Variants in ANO4 observed in about 807,000 individuals in gnomAD.
ANO4 encodes anoctamin 4, also known as anoctamin-4.
A neutral mutation model predicts 141.9 loss-of-function variants in ANO4; 69 were observed. That is an observed-to-expected ratio of 0.49 (90% CI 0.40 to 0.59). ANO4 has a LOEUF of 0.59. Ranked by LOEUF, ANO4 falls within the 20% of genes least tolerant of loss-of-function variation. The pLI is 0.00. For missense variants in ANO4, 894 were observed against 1,162.2 expected, an observed-to-expected ratio of 0.77 and a Z score of 3.36; for synonymous variants, 350 against 394.3, an observed-to-expected ratio of 0.89 and a Z score of 1.33.
intron 2 of ANO4, among the ~76,000 whole-genome samples, chr12:100,911,606 T>C (rs2136066234): frequency 2.6e-5 from 4 of 152,330 alleles, no homozygotes; most frequent in Middle Eastern, 3.4e-3. Context: ...GGTTCTGATA[T>C]AATAAAATTC....
chr12:100,836,449 G>A (rs946482783), intron 1 of ANO4, among the ~76,000 whole-genome samples: 3 of 151,628 alleles, frequency 2.0e-5, no homozygotes, highest in South Asian at 2.1e-4. Flanking sequence ...CCATTAACTC[G>A]TCATTTACAT....
chr12:100,815,623 A>G (rs926104786), intron 1 of ANO4, among the ~76,000 whole-genome samples: 2 of 152,150 alleles, frequency 1.3e-5, no homozygotes, highest in East Asian at 3.9e-4. Context: ...TGTGAAAATA[A>G]TTGTATATAA....
intron 1 of ANO4, among the ~76,000 whole-genome samples, chr12:100,857,672 A>C (rs1309504639): frequency 2.3e-4 from 35 of 152,164 alleles, no homozygotes; most frequent in Non-Finnish European, 1.5e-5. Flanking sequence ...TAAATTATCC[A>C]TGTAAAATAA....
chr12:100,861,400 T>C (rs2038468156), intron 1 of ANO4, among the ~76,000 whole-genome samples: 1 of 152,190 alleles, frequency 6.6e-6, no homozygotes, highest in Admixed American at 6.6e-5. Flanking sequence ...CTGAATAGTG[T>C]AGGCAATTGT....
At chr12:100,994,680 A>G (rs138384333) in intron 8 of ANO4, among the ~76,000 whole-genome samples, 2 of 152,200 alleles carry the variant, frequency 1.3e-5, no homozygotes, top group African/African-American at 4.8e-5. Flanking sequence ...AGAGAAGAAT[A>G]TGAAATTTAT....
intron 14 of ANO4, among the ~76,000 whole-genome samples, chr12:101,065,236 CAG>C (rs1228557445): frequency 6.6e-6 from 1 of 151,960 alleles, no homozygotes; most frequent in African/African-American, 2.4e-5. Flanking sequence ...AAGAAGGAAA[CAG>C]AAATTTGTGC....
intron 3 of ANO4, among the ~76,000 whole-genome samples, chr12:100,784,513 G>C (rs1433476810): frequency 6.6e-6 from 1 of 152,140 alleles, no homozygotes; most frequent in Non-Finnish European, 1.5e-5. Flanking sequence ...TTGCAGTTGA[G>C]AGTCAATAAT....
chr12:100,755,361 C>T (rs1480959687), intron 3 of ANO4, among the ~76,000 whole-genome samples: 1 of 152,152 alleles, frequency 6.6e-6, no homozygotes, highest in Non-Finnish European at 1.5e-5. Context: ...CCCCATGCTT[C>T]TTCCTGTGTG....
chr12:101,088,077 G>A (rs589657), intron 17 of ANO4, among the ~76,000 whole-genome samples: 27,801 of 151,424 alleles, frequency 0.18, 3,376 homozygotes, highest in East Asian at 0.54. Flanking sequence ...AAAAGCCTGC[G>A]AGGCCACATC....
intron 3 of ANO4, among the ~76,000 whole-genome samples, chr12:100,742,938 T>C (rs562548350): frequency 1.3e-5 from 2 of 152,346 alleles, no homozygotes; most frequent in East Asian, 3.9e-4. Context: ...GTCCTGAATG[T>C]AGTTCTTCCT....
chr12:100,819,766 CTG>C (rs1046543796), intron 1 of ANO4, among the ~76,000 whole-genome samples: 2 of 151,890 alleles, frequency 1.3e-5, no homozygotes, highest in Middle Eastern at 3.4e-3. Context: ...TTTTAAAAAA[CTG>C]TGATGAAAGC....
chr12:100,811,015 T>G (rs1481263701), intron 1 of ANO4, among the ~76,000 whole-genome samples: 1 of 152,092 alleles, frequency 6.6e-6, no homozygotes, highest in African/African-American at 2.4e-5. Context: ...GCAATAAAAT[T>G]TATAGAAGCC....
intron 1 of ANO4, among the ~76,000 whole-genome samples, chr12:100,844,088 G>C (rs550185179): frequency 6.6e-6 from 1 of 152,084 alleles, no homozygotes; most frequent in Non-Finnish European, 1.5e-5. Flanking sequence ...AGAGGTAAAT[G>C]CAAGGTGCCT....
intron 1 of ANO4, among the ~76,000 whole-genome samples, chr12:100,854,608 C>T (rs1169893833): frequency 6.6e-6 from 1 of 152,142 alleles, no homozygotes; most frequent in East Asian, 1.9e-4. Flanking sequence ...TCCCTTATTA[C>T]CTCCCTCTTT....
At chr12:100,766,836 T>C (rs765034173) in intron 3 of ANO4, among the ~76,000 whole-genome samples, 4 of 151,996 alleles carry the variant, frequency 2.6e-5, no homozygotes, top group Non-Finnish European at 5.9e-5. Context: ...AGTGTTGTGT[T>C]TCTCTCTATT....
chr12:100,741,784 G>C (rs778860221), intron 3 of ANO4, among the ~76,000 whole-genome samples: 2 of 152,108 alleles, frequency 1.3e-5, no homozygotes, highest in Non-Finnish European at 2.9e-5. Flanking sequence ...TATTGTGAAG[G>C]AAAGCTGACT....
chr12:101,028,844 C>T (rs1221263365), intron 9 of ANO4, among the ~76,000 whole-genome samples: 2 of 152,126 alleles, frequency 1.3e-5, no homozygotes, highest in African/African-American at 4.8e-5. Context: ...CACTAAAGTA[C>T]TCCACAAGAA....
At chr12:101,095,382 T>G (rs1019662972) in intron 18 of ANO4, among the ~76,000 whole-genome samples, 3 of 152,020 alleles carry the variant, frequency 2.0e-5, no homozygotes, top group African/African-American at 7.3e-5. Flanking sequence ...AGAAATGCCA[T>G]TGGAGGTACA....
At chr12:101,043,939 G>A (rs1391968510) in intron 13 of ANO4, among the ~76,000 whole-genome samples, 1 of 152,148 alleles carries the variant, frequency 6.6e-6, no homozygotes, top group Non-Finnish European at 1.5e-5. Context: ...TTCTCTATCT[G>A]GGAATAAGAT....
Sources: allele counts gnomAD v4.1 joint callset (sites outside exome capture counted in the v4.1 genomes callset), GRCh38; gene constraint gnomAD v4.1.1; transcripts MANE v1.5; gene names NCBI Gene and HGNC (gene_info 2026-07-23, HGNC 2026-07-21).